Variants in CELSR2 observed in about 807,000 individuals in gnomAD.
CELSR2 encodes the protein EGF-like protein 2.
A neutral mutation model predicts 251.6 loss-of-function variants in CELSR2; 81 were observed. The ratio of observed to expected loss-of-function variants is 0.32; its 90% confidence interval spans 0.27 to 0.39. The LOEUF (loss-of-function observed/expected upper bound fraction) is 0.39, where lower values mean the gene tolerates loss of function less well. Among genes scored for constraint, CELSR2 ranks in the 10% least tolerant of loss-of-function variants. CELSR2 has a pLI of 1.00. For missense variants in CELSR2, 3,365 were observed against 3,947.7 expected (o/e 0.85, Z 3.96); for synonymous variants, 1,721 against 1,670.5 (o/e 1.03, Z -0.74).
At position 109,264,908 on chromosome 1, in the gene CELSR2, C is replaced by T; in HGVS notation, c.5505C>T (p.Asn1835=). The change falls in exon 12 of 34, where the codon AAC becomes AAT. Residue 1835 remains asparagine, a synonymous_variant. Transcript: ENST00000271332. ...GDNCTNVCDL[N]PCEHQSVCTR... is the part of the protein sequence containing the mutation. The stretch of plus-strand genomic sequence containing the variant: ...ACTGTACTAATGTGTGTGACCTGAA[C>T]CCGTGTGAGCACCAGTCTGTGTGTA... 1 of 1,614,172 alleles carries T rather than the reference C, an allele frequency of 6.2e-7. No individual in the cohort carries two copies. The highest frequency in any genetic ancestry group is 8.5e-7 in the Non-Finnish European group (1 of 1,180,030).
Position 109,250,771 on chromosome 1 carries a change from T to C in CELSR2, c.692T>C (p.Phe231Ser). The change falls in exon 1 of 34, where the codon TTC becomes TCC. Residue 231 changes from phenylalanine to serine, a missense_variant. Transcript: ENST00000271332. The surrounding 1 kb of genome is among the most constrained non-coding windows in gnomAD (Gnocchi z 4.4). ...DALFDSRSNQFFSLDPVTGAV... is the reference protein window; with the variant it reads ...DALFDSRSNQSFSLDPVTGAV... ...CTCTTTGATAGCCGCTCCAACCAGT[T>C]CTTCTCCCTGGACCCAGTCACTGGT... The C allele has an allele frequency of 6.2e-7, 1 of 1,614,054 alleles. No individual in the cohort carries two copies. The highest frequency in any genetic ancestry group is 8.5e-7 in the Non-Finnish European group (1 of 1,180,004).
At chr1:109,272,595 G>T in intron 29 of CELSR2, 45 bp from the exon 30 acceptor site, 1 of 1,571,800 alleles carries the variant, frequency 6.4e-7, no homozygotes, top group African/African-American at 1.4e-5. Flanking sequence ...GGGACCCTGG[G>T]CAAGGGGCCA....
intron 18 of CELSR2, 35 bp downstream of exon 18, chr1:109,268,799 G>A (rs1177842101): frequency 6.3e-7 from 1 of 1,584,572 alleles, no homozygotes. Context: ...AGGGGTTTGT[G>A]GAGGGAGTCC....
chr1:109,269,115 C>T lies in CELSR2; in HGVS notation c.6637C>T (p.Pro2213Ser), dbSNP rs775221918. Residue 2213 changes from proline (P) to serine (S), a missense_variant, in exon 20 of 34, where the codon CCC (proline) becomes TCC (serine). Transcript: ENST00000271332. The surrounding 1 kb of genome is among the most constrained non-coding windows in gnomAD (Gnocchi z 6.4). Reference protein sequence around the residue: ...ILPESVFRETPPVVRPAGPGE... With the variant: ...ILPESVFRETSPVVRPAGPGE... ...GTGACAGTGTCCCCTCCCAGAGACG[C>T]CCCCCGTGGTCAGGCCCGCAGGCCC... 7 of 1,599,686 alleles carry T rather than the reference C, an allele frequency of 4.4e-6. No homozygotes were observed. The highest frequency in any genetic ancestry group is 3.3e-5 in the South Asian group (3 of 90,176).
In CELSR2 at chr1:109,250,988, G is replaced by C. The variant is rs773071253; in HGVS notation, c.909G>C (p.Glu303Asp). Residue 303 changes from glutamate (E) to aspartate (D), a missense_variant, in exon 1 of 34, where the codon GAG becomes GAC. Glu to Asp is a conservative substitution (Grantham distance 45, BLOSUM62 2). Around this residue, in one of 5 missense-constraint regions of CELSR2, gnomAD observed 704 missense variants for 784.1 expected, o/e 0.90. Coordinates refer to ENST00000271332, the MANE Select transcript of CELSR2 (RefSeq NM_001408.3). This position sits in a 1 kb window ranked among gnomAD's most constrained non-coding sequence, Gnocchi z 4.4. ...AGGAGAGCCTCAGGGAGAACCTGGA[G>C]GTTGGCTATGAGGTGCTCACTGTCA... ...EYKESLRENL[E>D]VGYEVLTVRA... The C allele has an allele frequency of 6.2e-7, 1 of 1,613,494 alleles. No homozygotes were observed. Among genetic ancestry groups the C allele is most frequent in the African/African-American group, 1.3e-5 (1 of 74,946 alleles).
At chr1:109,262,166 T>C (rs931242375) in intron 5 of CELSR2, 121 bp from the exon 6 acceptor site, 1 of 1,349,928 alleles carries the variant, frequency 7.4e-7, no homozygotes, top group East Asian at 2.4e-5. Context: ...TGTGTGTATA[T>C]GCATGTGTGT....
At position 109,250,096 on chromosome 1, in the gene CELSR2, C is replaced by G. The variant is rs374380189; in HGVS notation, c.17C>G (p.Thr6Ser). 20 of 1,528,926 alleles carry G rather than the reference C, an allele frequency of 1.3e-5. No individual in the cohort carries two copies. The African/African-American group carries it at 2.7e-4, about 21-fold the overall frequency. 94.7% of individuals were successfully genotyped at this position (1,528,926 alleles called of 1,614,324 possible). A position where few individuals can be genotyped will look rare whatever the true frequency, so the allele number is the denominator to read the frequency against. MRSPATGVPLPTPPPP... is the reference protein window; with the variant it reads MRSPASGVPLPTPPPP... Reference sequence around the variant, plus strand: ...CTGGGAGAGATGCGGAGCCCGGCCACCGGCGTCCCCCTCCCAACGCCGCCG... The same window carrying G: ...CTGGGAGAGATGCGGAGCCCGGCCAGCGGCGTCCCCCTCCCAACGCCGCCG... Residue 6 changes from threonine (T) to serine (S), a missense_variant, in exon 1 of 34, where the codon ACC becomes AGC. Physicochemically the swap from Thr to Ser is moderately conservative, Grantham distance 58 (BLOSUM62 1). This residue lies in a region of CELSR2 where 704 missense variants were observed against 784.1 expected (regional missense o/e 0.90). Transcript: ENST00000271332. This position sits in a 1 kb window ranked among gnomAD's most constrained non-coding sequence, Gnocchi z 4.4.
Position 109,268,432 on chromosome 1 carries a change from T to G in CELSR2, c.6319-149T>G, listed in dbSNP as rs1656269710. The G allele has an allele frequency of 2.8e-6, 3 of 1,087,682 alleles. No individual in the cohort carries two copies. In the Admixed American group the frequency reaches 8.7e-5, roughly 31 times the overall value. 67.4% of individuals were successfully genotyped at this position (1,087,682 alleles called of 1,614,324 possible). On this transcript the variant is annotated intron_variant, in intron 17 of 33. Coordinates refer to ENST00000271332, the MANE Select transcript of CELSR2 (RefSeq NM_001408.3). ...CCAGTGACCTGAGTGGGCAGTGCGG[T>G]CCAGGAGCATTTCAGGGGAGGCAAC...
Position 109,261,804 on chromosome 1 carries a change from C to T in CELSR2, c.4298-4C>T, listed in dbSNP as rs1414389430. ...CATTCCAGCTCACCTGGTCCTTTCC[C>T]CAGGGGAGTCAACCACCACGGTGTC... On this transcript the variant is annotated splice_region_variant and splice_polypyrimidine_tract_variant and intron_variant, in intron 4 of 33. Transcript: ENST00000271332. The surrounding 1 kb of genome is among the most constrained non-coding windows in gnomAD (Gnocchi z 4.8). 1 of 1,588,466 alleles carries T rather than the reference C, an allele frequency of 6.3e-7. No homozygotes were observed. Among genetic ancestry groups the T allele is most frequent in the Non-Finnish European group, 8.6e-7 (1 of 1,165,774 alleles).
In CELSR2 at chr1:109,258,653, G is replaced by T; in HGVS notation, c.3532G>T (p.Gly1178Cys). 6.5e-7 allele frequency: 1 copy of T among 1,550,216 alleles called. No individual in the cohort carries two copies. The highest frequency in any genetic ancestry group is 8.7e-7 in the Non-Finnish European group (1 of 1,146,180). ...NVQRDTDAPG[G>C]HILNVSLSVG... is the part of the protein sequence containing the mutation. The stretch of plus-strand genomic sequence containing the variant: ...ACAGCGGGACACCGACGCCCCCGGG[G>T]GCCACATCCTCAACGTGAGCCTGTC... Residue 1178 changes from glycine (G) to cysteine (C), a missense_variant, in exon 2 of 34, where the codon GGC becomes TGC. Coordinates refer to ENST00000271332, the MANE Select transcript of CELSR2 (RefSeq NM_001408.3).
intron 1 of CELSR2, among the ~76,000 whole-genome samples, chr1:109,256,292 G>A (rs6680227): frequency 0.032 from 4,829 of 152,280 alleles, 92 homozygotes; most frequent in Non-Finnish European, 0.036. Flanking sequence ...GGGTGGGAAG[G>A]AACAGCCTGT....
chr1:109,251,059 G>T lies in CELSR2; in HGVS notation c.980G>T (p.Arg327Leu), dbSNP rs1320367572. 1 of 1,613,458 alleles carries T rather than the reference G, an allele frequency of 6.2e-7. No homozygotes were observed. Among genetic ancestry groups the T allele is most frequent in the Non-Finnish European group, 8.5e-7 (1 of 1,179,930 alleles). Residue 327 changes from arginine to leucine, a missense_variant, in exon 1 of 34, where the codon CGC becomes CTC. Physicochemically the swap from Arg to Leu is moderately radical, Grantham distance 102 (BLOSUM62 -2). This residue lies in a region of CELSR2 where 704 missense variants were observed against 784.1 expected (regional missense o/e 0.90). Transcript: ENST00000271332. The surrounding 1 kb of genome is among the most constrained non-coding windows in gnomAD (Gnocchi z 4.9). Reference protein sequence around the residue: ...DAPPNANILYRLLEGSGGSPS... With the variant: ...DAPPNANILYLLLEGSGGSPS... ...CCTCCCAATGCCAATATTCTGTACC[G>T]CCTGCTGGAGGGGTCTGGGGGCAGC...
Position 109,269,234 on chromosome 1 carries a change from C to T in CELSR2, c.6756C>T (p.Tyr2252=), listed in dbSNP as rs769844531. ...QGEAVASVII[Y]RTLAGLLPHN... Reference sequence around the variant, plus strand: ...AGGCTGTGGCCAGCGTCATCATCTACCGCACCCTGGCCGGGCTACTGCCTC... The same window carrying T: ...AGGCTGTGGCCAGCGTCATCATCTATCGCACCCTGGCCGGGCTACTGCCTC... Residue 2252 remains tyrosine (Y), a synonymous_variant, in exon 20 of 34, where the codon TAC becomes TAT. Coordinates refer to ENST00000271332, the MANE Select transcript of CELSR2 (RefSeq NM_001408.3). This position sits in a 1 kb window ranked among gnomAD's most constrained non-coding sequence, Gnocchi z 6.4. The T allele has an allele frequency of 7.4e-6, 12 of 1,612,878 alleles. 1 individual carries two copies. The South Asian group carries it at 7.7e-5, about 10-fold the overall frequency.
At position 109,265,771 on chromosome 1, in the gene CELSR2, C is replaced by T. The variant is rs200694144; in HGVS notation, c.5764C>T (p.Leu1922Phe). Residue 1922 changes from leucine to phenylalanine, a missense_variant, in exon 14 of 34, where the codon CTC becomes TTC. Leu to Phe is a conservative substitution (Grantham distance 22). Transcript: ENST00000271332. ...CCGGCCCCCAGGCAGCCCCACCTGCCTCTTGTGTGACTGCTACCCCACAGG... is the reference window on the plus strand; with the variant it reads ...CCGGCCCCCAGGCAGCCCCACCTGCTTCTTGTGTGACTGCTACCCCACAGG... Reference protein sequence around the residue: ...HYRPPGSPTCLLCDCYPTGSL... With the variant: ...HYRPPGSPTCFLCDCYPTGSL... 13 of 1,613,760 alleles carry T rather than the reference C, an allele frequency of 8.1e-6. No homozygotes were observed. In the Admixed American group the frequency reaches 1.7e-4, roughly 21 times the overall value.
intron 2 of CELSR2, 64 bp downstream of exon 2, chr1:109,259,143 A>G: frequency 3.7e-6 from 5 of 1,339,316 alleles, no homozygotes; most frequent in Non-Finnish European, 5.0e-6. Context: ...GCAGGCACAA[A>G]TCAGGACAAA....
chr1:109,252,633 T>C lies in CELSR2; in HGVS notation c.2554T>C (p.Tyr852His). ...TTCTGGACTTAATGGCAGGGTCTTC[T>C]ACACCTTCCAAGGAGGCGACGATGG... ...RDSGLNGRVF[Y>H]TFQGGDDGDG... Residue 852 changes from tyrosine (Y) to histidine (H), a missense_variant, in exon 1 of 34, where the codon TAC (tyrosine) becomes CAC (histidine). Tyr to His is a moderately conservative substitution (Grantham distance 83, BLOSUM62 2). Transcript: ENST00000271332. The surrounding 1 kb of genome is among the most constrained non-coding windows in gnomAD (Gnocchi z 4.8). The C allele has an allele frequency of 6.2e-7, 1 of 1,613,852 alleles. No homozygotes were observed. The highest frequency in any genetic ancestry group is 8.5e-7 in the Non-Finnish European group (1 of 1,180,040).
At chr1:109,267,329 G>A (rs144462890) in intron 15 of CELSR2, among the ~76,000 whole-genome samples, 2 of 152,278 alleles carry the variant, frequency 1.3e-5, no homozygotes, top group East Asian at 3.9e-4. Flanking sequence ...CAAGGAGGTC[G>A]TATGCCCTGT....
At position 109,261,863 on chromosome 1, in the gene CELSR2, G is replaced by C. The variant is rs1275002028; in HGVS notation, c.4353G>C (p.Gln1451His). 1.9e-6 allele frequency: 3 copies of C among 1,590,240 alleles called. No individual in the cohort carries two copies. The highest frequency in any genetic ancestry group is 2.6e-6 in the Non-Finnish European group (3 of 1,166,610). The change falls in exon 5 of 34, where the codon CAG becomes CAC. Residue 1451 changes from glutamine to histidine, a missense_variant. By Grantham distance (24) the Gln-to-His change is conservative. Coordinates refer to ENST00000271332, the MANE Select transcript of CELSR2 (RefSeq NM_001408.3). This position sits in a 1 kb window ranked among gnomAD's most constrained non-coding sequence, Gnocchi z 4.8. ...TGCCCGGAGGAGTCAGTGATGGCCA[G>C]TGGCATACGGTGCAGCTGAAATACT... ...PFVPGGVSDG[Q>H]WHTVQLKYYN...
intron 1 of CELSR2, among the ~76,000 whole-genome samples, chr1:109,253,651 C>G (rs527912800): frequency 2.0e-5 from 3 of 152,054 alleles, no homozygotes; most frequent in African/African-American, 7.2e-5. Flanking sequence ...GTGACGTGGT[C>G]GGGGAAGTGT....
Sources: allele counts gnomAD v4.1 joint callset (sites outside exome capture counted in the v4.1 genomes callset), GRCh38; gene constraint gnomAD v4.1.1; regional missense constraint gnomAD v4.1.1; non-coding constraint Gnocchi (gnomAD v3.1); transcripts MANE v1.5; gene names NCBI Gene and HGNC (gene_info 2026-07-23, HGNC 2026-07-21).